HS2ST1: variants seen among roughly 807,000 people sequenced by gnomAD.
HS2ST1 encodes the protein heparan sulfate 2-O-sulfotransferase 1.
In HS2ST1, 18 loss-of-function variants were observed where a neutral mutation model predicts 42.9. The observed-to-expected ratio is 0.42, with a 90% CI of 0.29 to 0.62. The LOEUF is 0.62. HS2ST1 is among the 20% of genes least tolerant of loss of function. HS2ST1 has a pLI of 0.21. For synonymous variants in HS2ST1, 146 were observed against 152.9 expected, an observed-to-expected ratio of 0.95 and a Z score of 0.33; for missense variants, 334 against 433.8, an observed-to-expected ratio of 0.77 and a Z score of 2.04.
intron 1 of HS2ST1, among the ~76,000 whole-genome samples, chr1:87,063,054 G>A (rs1363228158): frequency 6.6e-6 from 1 of 152,112 alleles, no homozygotes; most frequent in African/African-American, 2.4e-5. Context: ...CTTTTTAAGT[G>A]TGTAAAGTTG....
At chr1:86,964,047 C>T (rs1390027870) in intron 1 of HS2ST1, among the ~76,000 whole-genome samples, 6 of 151,704 alleles carry the variant, frequency 4.0e-5, no homozygotes, top group Admixed American at 6.6e-5. Flanking sequence ...GGGTCGCGGC[C>T]GGGCAGAGGC....
chr1:87,024,185 A>G (rs1164837013), intron 1 of HS2ST1, among the ~76,000 whole-genome samples: 2 of 152,086 alleles, frequency 1.3e-5, no homozygotes, highest in Non-Finnish European at 2.9e-5. Flanking sequence ...TGAAATTGAG[A>G]GATCAGTAGT....
At chr1:87,001,597 T>C (rs1044281028) in intron 1 of HS2ST1, among the ~76,000 whole-genome samples, 6 of 152,230 alleles carry the variant, frequency 3.9e-5, no homozygotes, top group African/African-American at 1.4e-4. Context: ...TTATGAAAAG[T>C]TGTTATTGTG....
At chr1:87,054,069 C>T (rs973646860) in intron 1 of HS2ST1, among the ~76,000 whole-genome samples, 6 of 152,102 alleles carry the variant, frequency 3.9e-5, no homozygotes, top group African/African-American at 1.4e-4. Context: ...CCTGGATGTT[C>T]CATGGGCACA....
chr1:87,080,204 C>T (rs1447613720), intron 2 of HS2ST1, among the ~76,000 whole-genome samples: 3 of 152,152 alleles, frequency 2.0e-5, no homozygotes, highest in African/African-American at 7.2e-5. Context: ...ACTCAGCAAT[C>T]CCAGTGGTTA....
Position 87,049,276 on chromosome 1 carries a change from CTTT to C in HS2ST1, c.125-23651_125-23649del, listed in dbSNP as rs891391321. ...CTGATATTAATAATTTGTATCTTCC[CTTT>C]TTTTTTCTTATTAGTCTGGCTAGAA... On this transcript the variant is annotated intron_variant, in intron 1 of 6. Transcript: ENST00000370550. 2.0e-5 allele frequency among the ~76,000 whole-genome samples: 3 copies of C among 150,368 alleles called. 1 individual carries two copies. In the South Asian group the frequency reaches 6.3e-4, roughly 32 times the overall value.
chr1:86,963,816 G>T (rs1282606996), intron 1 of HS2ST1, among the ~76,000 whole-genome samples: 1 of 148,598 alleles, frequency 6.7e-6, no homozygotes, highest in African/African-American at 2.5e-5. Flanking sequence ...CCCTGGACGG[G>T]GCGGCTGGCC....
intron 1 of HS2ST1, among the ~76,000 whole-genome samples, chr1:86,957,060 T>C (rs949253657): frequency 1.3e-5 from 2 of 152,190 alleles, no homozygotes; most frequent in African/African-American, 4.8e-5. Context: ...GTTATATTAA[T>C]CACAATTAGC....
intron 1 of HS2ST1, among the ~76,000 whole-genome samples, chr1:86,964,637 G>A (rs1357381374): frequency 6.6e-6 from 1 of 152,198 alleles, no homozygotes; most frequent in Non-Finnish European, 1.5e-5. Context: ...GGAAAGAGAG[G>A]GAGACCGTGG....
chr1:87,045,918 C>T lies in HS2ST1; in HGVS notation c.125-27016C>T, dbSNP rs972815554. On this transcript the variant is annotated intron_variant, in intron 1 of 6. Coordinates refer to ENST00000370550, the MANE Select transcript of HS2ST1 (RefSeq NM_012262.4). Reference sequence around the variant, plus strand: ...ACCTTGTGCTCACCGGCTTCTCCCACGTCGACCTGATTGATCTGGTTACTA... The same window carrying T: ...ACCTTGTGCTCACCGGCTTCTCCCATGTCGACCTGATTGATCTGGTTACTA... 5.3e-5 allele frequency: 37 copies of T among 699,718 alleles called. No homozygotes were observed. The African/African-American group carries it at 5.6e-4, about 11-fold the overall frequency. 43.3% of individuals were successfully genotyped at this position (699,718 alleles called of 1,614,324 possible).
chr1:87,042,087 A>G (rs763119405), intron 1 of HS2ST1, among the ~76,000 whole-genome samples: 17 of 152,138 alleles, frequency 1.1e-4, no homozygotes, highest in Non-Finnish European at 2.4e-4. Flanking sequence ...GATGTCCAGC[A>G]TCTTCCTATA....
chr1:87,104,646 A>C lies in HS2ST1; in HGVS notation c.1021A>C (p.Ile341Leu), dbSNP rs771409447. The C allele has an allele frequency of 9.9e-6, 16 of 1,613,514 alleles. No homozygotes were observed. Among genetic ancestry groups the C allele is most frequent in the Non-Finnish European group, 1.4e-5 (16 of 1,179,590 alleles). The change falls in exon 7 of 7, where the codon ATC (isoleucine) becomes CTC (leucine). Residue 341 changes from isoleucine (I) to leucine (L), a missense_variant. Transcript: ENST00000370550. ...TCGAGAAAAAGATGGAGACCTCTAC[A>C]TCCTCGCACAAAACTTTTTCTATGA... ...AVREKDGDLY[I>L]LAQNFFYEKI...
At chr1:87,052,453 A>G (rs1231051917) in intron 1 of HS2ST1, among the ~76,000 whole-genome samples, 1 of 152,222 alleles carries the variant, frequency 6.6e-6, no homozygotes, top group Non-Finnish European at 1.5e-5. Flanking sequence ...AAATGGTTTC[A>G]GTTTAAAAGG....
chr1:87,046,195 T>C lies in HS2ST1; in HGVS notation c.125-26739T>C, dbSNP rs868848550. On this transcript the variant is annotated intron_variant, in intron 1 of 6. Transcript: ENST00000370550. ...TGCCTGGCAGCTGTTGTTCCTCTTA[T>C]TGAAAGTGGAACTGCTGGGTATCTT... 44 of 860,254 alleles carry C rather than the reference T, an allele frequency of 5.1e-5. No individual in the cohort carries two copies. The Middle Eastern group carries it at 2.5e-3, about 49-fold the overall frequency. The allele number at this position is 860,254 out of a possible 1,614,324, so 53.3% of individuals were successfully genotyped here. A position where few individuals can be genotyped will look rare whatever the true frequency, so the allele number is the denominator to read the frequency against.
rs531061571 is a variant in HS2ST1, at chr1:87,107,053, G to A, written c.*2357G>A. 1 of 152,168 alleles carries A rather than the reference G, an allele frequency of 6.6e-6. No individual in the cohort carries two copies. Among genetic ancestry groups the A allele is most frequent in the South Asian group, 2.1e-4 (1 of 4,826 alleles). 9.4% of individuals were successfully genotyped at this position (152,168 alleles called of 1,614,324 possible). ...GACATTATGTAAACAAATGAGCACA[G>A]TTATGTTCCAATAAAACTTTATTTA... On this transcript the variant is annotated 3_prime_UTR_variant, in exon 7 of 7. Transcript: ENST00000370550.
intron 1 of HS2ST1, among the ~76,000 whole-genome samples, chr1:86,996,974 A>G (rs543688918): frequency 6.6e-6 from 1 of 152,286 alleles, no homozygotes; most frequent in Admixed American, 6.5e-5. Flanking sequence ...ATATATATAT[A>G]TACAACAGCT....
At chr1:86,982,283 C>A (rs1413533521) in intron 1 of HS2ST1, among the ~76,000 whole-genome samples, 1 of 152,144 alleles carries the variant, frequency 6.6e-6, no homozygotes, top group Non-Finnish European at 1.5e-5. Context: ...CTGACATGCT[C>A]TAGAGACATT....
At chr1:87,035,838 ATACTC>A (rs150564797) in intron 1 of HS2ST1, among the ~76,000 whole-genome samples, 2,552 of 150,414 alleles carry the variant, frequency 0.017, 79 homozygotes, top group African/African-American at 0.059. Context: ...AATTATTACT[ATACTC>A]TAAGTTCTGG....
At chr1:87,036,735 T>C (rs78706499) in intron 1 of HS2ST1, among the ~76,000 whole-genome samples, 3,645 of 152,270 alleles carry the variant, frequency 0.024, 46 homozygotes, top group South Asian at 0.053. Context: ...GATATCAGGA[T>C]GACAATGTCA....
Sources: gnomAD v4.1 joint callset for allele counts (sites outside exome capture counted in the v4.1 genomes callset) on GRCh38, gnomAD v4.1.1 for gene constraint, MANE v1.5 for transcripts, NCBI Gene and HGNC (gene_info 2026-07-23, HGNC 2026-07-21) for gene names.